Variants in SENP8 observed in about 807,000 individuals in gnomAD.
SENP8 encodes the protein sentrin-specific protease 8.
In SENP8, 10 loss-of-function variants were observed where a neutral mutation model predicts 14.4. The observed-to-expected ratio is 0.69, with a 90% confidence interval of 0.43 to 1.18. The LOEUF (loss-of-function observed/expected upper bound fraction) is 1.18. Among genes scored for constraint, SENP8 ranks in the 50% most tolerant of loss-of-function variants. SENP8 has a pLI of 0.00. For missense variants in SENP8, 202 were observed against 249.4 expected (o/e 0.81, Z 1.28); for synonymous variants, 94 against 95.5 (o/e 0.98, Z 0.09).
chr15:72,140,129 G>T lies in SENP8; in HGVS notation c.506G>T (p.Cys169Phe). 1 of 1,614,154 alleles carries T rather than the reference G, an allele frequency of 6.2e-7. No individual in the cohort carries two copies. Among genetic ancestry groups the T allele is most frequent in the Non-Finnish European group, 8.5e-7 (1 of 1,180,044 alleles). The change falls in exon 2 of 2, where the codon TGT (cysteine) becomes TTT (phenylalanine). Residue 169 changes from cysteine (C) to phenylalanine (F), a missense_variant. Transcript: ENST00000340912. ...NSYDCGMYVI[C>F]NTEALCQNFF... is the part of the protein sequence containing the mutation. Reference sequence around the variant, plus strand: ...TATGACTGTGGGATGTACGTGATATGTAACACTGAGGCCTTGTGTCAGAAC... The same window carrying T: ...TATGACTGTGGGATGTACGTGATATTTAACACTGAGGCCTTGTGTCAGAAC...
At chr15:72,139,542 G>T in intron 1 of SENP8, 35 bp from the exon 2 acceptor site, 1 of 1,518,986 alleles carries the variant, frequency 6.6e-7, no homozygotes, top group South Asian at 1.3e-5. Flanking sequence ...GCATTTTACA[G>T]TCAGGTATTT....
In SENP8 at chr15:72,142,232, T is replaced by C. The variant is rs1366176265; in HGVS notation, c.*1970T>C. The C allele has an allele frequency of 6.6e-6, 1 of 152,216 alleles. No individual in the cohort carries two copies. The allele number at this position is 152,216 out of a possible 1,614,324, so 9.4% of individuals were successfully genotyped here. ...CATTTTCCAAATGCATTAGCCTGAT[T>C]GGACTGTGCCACAGATTAGTGTCCT... is the stretch of plus-strand genomic sequence containing the variant. On this transcript the variant is annotated 3_prime_UTR_variant, in exon 2 of 2. Coordinates refer to ENST00000340912, the MANE Select transcript of SENP8 (RefSeq NM_145204.4).
At chr15:72,121,216 C>T (rs1052225603) in intron 1 of SENP8, among the ~76,000 whole-genome samples, 2 of 152,026 alleles carry the variant, frequency 1.3e-5, no homozygotes, top group Non-Finnish European at 2.9e-5. Context: ...GAAAATAAAT[C>T]AGGAAAGGTA....
chr15:72,129,316 G>T (rs2081248788), intron 1 of SENP8, among the ~76,000 whole-genome samples: 1 of 151,990 alleles, frequency 6.6e-6, no homozygotes, highest in Admixed American at 6.6e-5. Flanking sequence ...GATCACTGGA[G>T]CCAAGGAGTT....
intron 1 of SENP8, among the ~76,000 whole-genome samples, chr15:72,124,552 A>G (rs1029888091): frequency 6.6e-6 from 1 of 152,248 alleles, no homozygotes; most frequent in African/African-American, 2.4e-5. Context: ...GAAGTTGGAC[A>G]TAATCTTCTA....
chr15:72,139,717 A>T lies in SENP8; in HGVS notation c.94A>T (p.Ile32Phe). The stretch of plus-strand genomic sequence containing the variant: ...GCCAAGCTGGCTCAATGACCATATT[A>T]TTGGGTTTGCGTTTGAGTACTTTGC... The part of the protein sequence containing the change: ...DPPSWLNDHI[I>F]GFAFEYFANS... Residue 32 changes from isoleucine (I) to phenylalanine (F), a missense_variant, in exon 2 of 2, where the codon ATT (isoleucine) becomes TTT (phenylalanine). Transcript: ENST00000340912. 6.2e-7 allele frequency: 1 copy of T among 1,614,136 alleles called. No homozygotes were observed. The highest frequency in any genetic ancestry group is 8.5e-7 in the Non-Finnish European group (1 of 1,180,022).
intron 1 of SENP8, among the ~76,000 whole-genome samples, chr15:72,125,805 T>TTTTA (rs921415087): frequency 2.0e-5 from 3 of 151,802 alleles, no homozygotes; most frequent in African/African-American, 7.2e-5. Flanking sequence ...CTTTTTTCTT[T>TTTTA]TTTATTTATT....
At chr15:72,125,805 TTTTA>T (rs921415087) in intron 1 of SENP8, among the ~76,000 whole-genome samples, 1 of 151,802 alleles carries the variant, frequency 6.6e-6, no homozygotes, top group Non-Finnish European at 1.5e-5. Context: ...CTTTTTTCTT[TTTTA>T]TTTATTTATT....
At position 72,143,499 on chromosome 15, in the gene SENP8, G is replaced by A. The variant is rs1419490376; in HGVS notation, c.*3237G>A. The A allele has an allele frequency of 6.6e-6, 1 of 152,052 alleles. No homozygotes were observed. Among genetic ancestry groups the A allele is most frequent in the Admixed American group, 6.6e-5 (1 of 15,262 alleles). 9.4% of individuals were successfully genotyped at this position (152,052 alleles called of 1,614,324 possible). A position where few individuals can be genotyped will look rare whatever the true frequency, so the allele number is the denominator to read the frequency against. On this transcript the variant is annotated 3_prime_UTR_variant, in exon 2 of 2. Coordinates refer to ENST00000340912, the MANE Select transcript of SENP8 (RefSeq NM_145204.4). ...TTTTTATCACTCTGTAATGTGCAGG[G>A]TACTTTATGCACACATATTACACAA...
chr15:72,136,162 C>T (rs962358949), intron 1 of SENP8, among the ~76,000 whole-genome samples: 4 of 152,196 alleles, frequency 2.6e-5, no homozygotes, highest in African/African-American at 9.7e-5. Flanking sequence ...TCTGTTTCAT[C>T]TGTTGTAAGG....
At chr15:72,114,435 T>C (rs2080893754), upstream of SENP8, 1 of 152,178 alleles carries the variant, frequency 6.6e-6, no homozygotes, top group South Asian at 2.1e-4. Context: ...AGGGAAAATG[T>C]ACAAGGCAGT....
chr15:72,126,779 G>C (rs2081224762), intron 1 of SENP8, among the ~76,000 whole-genome samples: 1 of 152,204 alleles, frequency 6.6e-6, no homozygotes, highest in Non-Finnish European at 1.5e-5. Context: ...ACTACACTAT[G>C]AGAACAGACT....
At chr15:72,135,027 A>G in intron 1 of SENP8, 1 of 340,992 alleles carries the variant, frequency 2.9e-6, no homozygotes, top group Non-Finnish European at 5.8e-6. Flanking sequence ...CTGAAGCACC[A>G]GCCTGCTCCA....
chr15:72,132,661 T>A (rs921230710), intron 1 of SENP8, among the ~76,000 whole-genome samples: 1 of 151,122 alleles, frequency 6.6e-6, no homozygotes, highest in African/African-American at 2.4e-5. Context: ...TTCTTTTTTT[T>A]TTTTTTTTTT....
At chr15:72,134,189 GC>G (rs1257969657) in intron 1 of SENP8, among the ~76,000 whole-genome samples, 5 of 152,122 alleles carry the variant, frequency 3.3e-5, no homozygotes, top group Non-Finnish European at 5.9e-5. Context: ...CAGGCAGTTT[GC>G]CTGCCTTGGC....
chr15:72,140,022 A>C lies in SENP8; in HGVS notation c.399A>C (p.Ala133=). ...RSNSVHAKQV[A]EKLEAFLGRK... ...ACTCAGTTCACGCAAAGCAGGTAGC[A>C]GAGAAACTGGAGGCTTTCTTAGGCA... Residue 133 remains alanine, a synonymous_variant, in exon 2 of 2, where the codon GCA becomes GCC. Transcript: ENST00000340912. The C allele has an allele frequency of 6.2e-7, 1 of 1,614,228 alleles. No individual in the cohort carries two copies. Among genetic ancestry groups the C allele is most frequent in the Non-Finnish European group, 8.5e-7 (1 of 1,180,040 alleles).
upstream of SENP8, chr15:72,118,196 C>T (rs2081078550): frequency 5.5e-6 from 2 of 360,472 alleles, no homozygotes; most frequent in Non-Finnish European, 5.0e-6. Context: ...CGGCCCCGCC[C>T]TGTCCCGCCC....
chr15:72,137,936 C>T (rs906044160), intron 1 of SENP8, among the ~76,000 whole-genome samples: 1 of 151,348 alleles, frequency 6.6e-6, no homozygotes, highest in African/African-American at 2.4e-5. Flanking sequence ...CGCGCCACTG[C>T]ACTCCAGCCT....
At chr15:72,127,252 A>G (rs1165622032) in intron 1 of SENP8, among the ~76,000 whole-genome samples, 1 of 152,186 alleles carries the variant, frequency 6.6e-6, no homozygotes, top group Non-Finnish European at 1.5e-5. Flanking sequence ...AAAGAATATG[A>G]ACCAATAAAC....
Sources: gnomAD v4.1 joint callset for allele counts (sites outside exome capture counted in the v4.1 genomes callset) on GRCh38, gnomAD v4.1.1 for gene constraint, MANE v1.5 for transcripts, NCBI Gene and HGNC (gene_info 2026-07-23, HGNC 2026-07-21) for gene names.